The following INPP5D variants were observed in gnomAD, a reference collection of about 807,000 sequenced individuals.
INPP5D encodes the protein phosphatidylinositol 3,4,5-trisphosphate 5-phosphatase 1.
A neutral mutation model predicts 122.9 loss-of-function variants in INPP5D; 33 were observed. The ratio of observed to expected loss-of-function variants is 0.27; its 90% CI spans 0.20 to 0.36. The LOEUF (loss-of-function observed/expected upper bound fraction) is 0.36. INPP5D is among the 10% of genes least tolerant of loss of function. The pLI is 1.00. For synonymous variants in INPP5D, 584 were observed against 576.2 expected (o/e 1.01, Z -0.19); for missense variants, 1,053 against 1,412.7 (o/e 0.75, Z 4.08).
chr2:233,140,262 C>G (rs1693604065), intron 6 of INPP5D: 1 of 164,228 alleles, frequency 6.1e-6, no homozygotes, highest in Admixed American at 6.4e-5. Context: ...GAGGAGATGC[C>G]TAAACTCTTG....
chr2:233,111,580 A>G (rs964046606), intron 2 of INPP5D, among the ~76,000 whole-genome samples: 1 of 152,198 alleles, frequency 6.6e-6, no homozygotes, highest in African/African-American at 2.4e-5. Context: ...GTGTCTCCAC[A>G]TGACATGGCC....
Position 233,204,373 on chromosome 2 carries a change from G to A in INPP5D, c.3223G>A (p.Gly1075Ser), listed in dbSNP as rs199955154. ...GGAGGCTGATCGCGGCGAGGGGCCC[G>A]GCAAGCAGGTGCCCGCGCCCCGGCT... The part of the protein sequence containing the change: ...AQEADRGEGP[G>S]KQVPAPRLRS... The change falls in exon 26 of 27, where the codon GGC becomes AGC. Residue 1075 changes from glycine (G) to serine (S), a missense_variant. Around this residue, in one of 6 missense-constraint regions of INPP5D, gnomAD observed 417 missense variants for 425.8 expected, o/e 0.98. Coordinates refer to ENST00000445964, the MANE Select transcript of INPP5D (RefSeq NM_001017915.3). 1.6e-4 allele frequency: 263 copies of A among 1,610,290 alleles called. 1 individual carries two copies. The highest frequency in any genetic ancestry group is 9.9e-4 in the Middle Eastern group (6 of 6,050).
rs754526793 is a variant in INPP5D, at chr2:233,131,534, T to TAAAAAAAAA, written c.665+894_665+902dup. 5.8e-3 allele frequency among the ~76,000 whole-genome samples: 776 copies of TAAAAAAAAA among 134,286 alleles called. 2 individuals carry two copies. The highest frequency in any genetic ancestry group is 9.4e-3 in the Non-Finnish European group (580 of 61,816). 88.1% of individuals were successfully genotyped at this position (134,286 alleles called of 152,430 possible). ...CAACATGGTGAAATCCTGTCTCTAC[T>TAAAAAAAAA]AAAAAAAAAAAAAAAATTAGCTGGA... On this transcript the variant is annotated intron_variant, in intron 5 of 26. Coordinates refer to ENST00000445964, the MANE Select transcript of INPP5D (RefSeq NM_001017915.3).
chr2:233,134,748 A>G (rs1693421089), intron 5 of INPP5D, among the ~76,000 whole-genome samples: 1 of 152,202 alleles, frequency 6.6e-6, no homozygotes, highest in Non-Finnish European at 1.5e-5. Flanking sequence ...TAAAAGATCA[A>G]AGGTCTGAAT....
chr2:233,122,368 G>T, intron 3 of INPP5D, 111 bp downstream of exon 3: 1 of 1,204,240 alleles, frequency 8.3e-7, no homozygotes, highest in Non-Finnish European at 1.2e-6. Context: ...GATTGTTGGC[G>T]TGGGGGTTAA....
chr2:233,070,092 A>C (rs766540398), intron 1 of INPP5D, among the ~76,000 whole-genome samples: 14 of 152,174 alleles, frequency 9.2e-5, no homozygotes, highest in Admixed American at 3.3e-4. Context: ...TATTTGATAG[A>C]GTTATTGACC....
At position 233,060,438 on chromosome 2, in the gene INPP5D, G is replaced by T. The variant is rs892502461; in HGVS notation, c.-41G>T. ...CTCCCCTCGGTGGTGTGTGGGTCCT[G>T]GGGGTGCCTGCCGGCCCGGCCGAGG... On this transcript the variant is annotated 5_prime_UTR_variant, in exon 1 of 27. Coordinates refer to ENST00000445964, the MANE Select transcript of INPP5D (RefSeq NM_001017915.3). 4.5e-6 allele frequency: 7 copies of T among 1,556,612 alleles called. No individual in the cohort carries two copies. The highest frequency in any genetic ancestry group is 1.9e-5 in the Admixed American group (1 of 51,908).
chr2:233,157,802 T>C (rs569209365), intron 9 of INPP5D, among the ~76,000 whole-genome samples: 3 of 151,920 alleles, frequency 2.0e-5, no homozygotes, highest in East Asian at 1.9e-4. Context: ...ATTAAGAGAG[T>C]TGAAATTGGT....
intron 21 of INPP5D, among the ~76,000 whole-genome samples, chr2:233,187,988 G>A (rs113308496): frequency 1.3e-4 from 19 of 151,996 alleles, no homozygotes; most frequent in East Asian, 1.9e-4. Context: ...CCTCACAGCC[G>A]CCAAGTCCTG....
chr2:233,185,808 G>T, intron 20 of INPP5D, 35 bp from the exon 21 acceptor site: 2 of 1,559,730 alleles, frequency 1.3e-6, no homozygotes, highest in Non-Finnish European at 1.7e-6. Flanking sequence ...TTCTTGCTCT[G>T]TTTTCTGAAA....
rs1695218890 is a variant in INPP5D, at chr2:233,197,661, G to A, written c.2694-434G>A. On this transcript the variant is annotated intron_variant, in intron 24 of 26. Coordinates refer to ENST00000445964, the MANE Select transcript of INPP5D (RefSeq NM_001017915.3). The surrounding 1 kb of genome is among the most constrained non-coding windows in gnomAD (Gnocchi z 4.4). ...CTTATCTGCTTATCTTCTTATCTCAGATGAAAGACCACCTCCTCAGATGGG... is the reference window on the plus strand; with the variant it reads ...CTTATCTGCTTATCTTCTTATCTCAAATGAAAGACCACCTCCTCAGATGGG... Among the ~76,000 whole-genome samples, 2 of 152,142 alleles carry A rather than the reference G, an allele frequency of 1.3e-5. No individual in the cohort carries two copies. Among genetic ancestry groups the A allele is most frequent in the South Asian group, 4.1e-4 (2 of 4,828 alleles).
At chr2:233,101,510 T>A (rs1335040278) in intron 2 of INPP5D, among the ~76,000 whole-genome samples, 2 of 149,004 alleles carry the variant, frequency 1.3e-5, no homozygotes, top group Non-Finnish European at 3.0e-5. Flanking sequence ...ATTTATAAGT[T>A]ATTTTATAAA....
intron 1 of INPP5D, among the ~76,000 whole-genome samples, chr2:233,067,948 T>G (rs72982239): frequency 0.053 from 8,027 of 152,194 alleles, 557 homozygotes; most frequent in African/African-American, 0.16. Context: ...ACAGCCCAAG[T>G]CCAGGCATGT....
chr2:233,090,053 G>A (rs942633535), intron 2 of INPP5D, among the ~76,000 whole-genome samples: 1 of 152,218 alleles, frequency 6.6e-6, no homozygotes, highest in Admixed American at 6.5e-5. Flanking sequence ...GTCTCCCCCA[G>A]TGAGCTGTGG....
At position 233,170,928 on chromosome 2, in the gene INPP5D, G is replaced by C. The variant is rs1574783847; in HGVS notation, c.1901-136G>C. On this transcript the variant is annotated intron_variant, in intron 16 of 26. Coordinates refer to ENST00000445964, the MANE Select transcript of INPP5D (RefSeq NM_001017915.3). This position sits in a 1 kb window ranked among gnomAD's most constrained non-coding sequence, Gnocchi z 4.5. ...CTCAAAAAAAAAAAAAAAAAAAGCA[G>C]CAGCCTCTCCTCTTGGAGCCTTTCC... The C allele has an allele frequency of 2.2e-6, 2 of 927,222 alleles. No homozygotes were observed. Among genetic ancestry groups the C allele is most frequent in the Non-Finnish European group, 3.1e-6 (2 of 646,666 alleles). The allele number at this position is 927,222 out of a possible 1,614,324, so 57.4% of individuals were successfully genotyped here.
At chr2:233,114,609 TGGATGCCTG>T (rs947147506) in intron 2 of INPP5D, among the ~76,000 whole-genome samples, 1 of 152,130 alleles carries the variant, frequency 6.6e-6, no homozygotes, top group African/African-American at 2.4e-5. Flanking sequence ...TTGGGACGTG[TGGATGCCTG>T]GGTCAGTGGG....
At chr2:233,192,746 C>G (rs1695085608) in intron 22 of INPP5D, among the ~76,000 whole-genome samples, 1 of 152,148 alleles carries the variant, frequency 6.6e-6, no homozygotes, top group Non-Finnish European at 1.5e-5. Flanking sequence ...ATTTTTTATT[C>G]CTTTGAGTAA....
At chr2:233,087,582 C>T (rs540290389) in intron 2 of INPP5D, among the ~76,000 whole-genome samples, 1 of 152,292 alleles carries the variant, frequency 6.6e-6, no homozygotes, top group East Asian at 1.9e-4. Flanking sequence ...GCCTCAGCCT[C>T]CCAAAGTGCT....
intron 17 of INPP5D, among the ~76,000 whole-genome samples, chr2:233,175,055 G>A (rs369370210): frequency 8.6e-5 from 13 of 151,352 alleles, no homozygotes; most frequent in Admixed American, 4.6e-4. Flanking sequence ...CGCGAAACCC[G>A]TCTCTATACA....
Sources: gnomAD v4.1 joint callset for allele counts (sites outside exome capture counted in the v4.1 genomes callset) on GRCh38, gnomAD v4.1.1 for gene constraint, gnomAD v4.1.1 regional missense constraint, Gnocchi (gnomAD v3.1) non-coding constraint, MANE v1.5 for transcripts, NCBI Gene and HGNC (gene_info 2026-07-23, HGNC 2026-07-21) for gene names.